COL13A1: variants seen among roughly 807,000 people sequenced by gnomAD.
COL13A1 encodes the protein collagen alpha-1(XIII) chain.
Under a neutral mutation model 130.9 loss-of-function variants are expected in COL13A1, and 89 were observed. The ratio of observed to expected loss-of-function variants is 0.68; its 90% confidence interval spans 0.57 to 0.81. The LOEUF (loss-of-function observed/expected upper bound fraction) is 0.81. Among genes scored for constraint, COL13A1 ranks in the 30% least tolerant of loss-of-function variants. The pLI is 0.00. For missense variants in COL13A1, 879 were observed against 934.6 expected (o/e 0.94, Z 0.78); for synonymous variants, 402 against 341.6 (o/e 1.18, Z -1.95).
chr10:69,852,214 A>G lies in COL13A1; in HGVS notation c.365-15584A>G, dbSNP rs571920020. On this transcript the variant is annotated intron_variant, in intron 2 of 40. Coordinates refer to ENST00000645393, the MANE Select transcript of COL13A1 (RefSeq NM_001368882.1). ...TTCCCAAATTCCAGCCCCGTCTACT[A>G]TATTTGCATATTGTAACTTCTCATA... Among the ~76,000 whole-genome samples the G allele has an allele frequency of 2.0e-5, 3 of 152,314 alleles. No homozygotes were observed. The East Asian group carries it at 5.8e-4, about 29-fold the overall frequency.
intron 1 of COL13A1, among the ~76,000 whole-genome samples, chr10:69,819,731 C>T (rs532611875): frequency 1.2e-3 from 186 of 152,340 alleles, no homozygotes; most frequent in African/African-American, 4.1e-3. Flanking sequence ...TGGCCCACCA[C>T]AGCACCCATG....
chr10:69,835,513 G>A (rs1849812896), intron 2 of COL13A1, among the ~76,000 whole-genome samples: 1 of 152,112 alleles, frequency 6.6e-6, no homozygotes. Context: ...GGTGGCCTCT[G>A]CTGGCAGTGG....
At chr10:69,813,241 C>A (rs1371571611) in intron 1 of COL13A1, among the ~76,000 whole-genome samples, 1 of 152,142 alleles carries the variant, frequency 6.6e-6, no homozygotes, top group Non-Finnish European at 1.5e-5. Context: ...ACCCCTGGAC[C>A]CCTGAGATCC....
intron 1 of COL13A1, among the ~76,000 whole-genome samples, chr10:69,811,473 G>T (rs1425904183): frequency 6.6e-6 from 1 of 152,190 alleles, no homozygotes; most frequent in African/African-American, 2.4e-5. Context: ...GGTTAAAGGG[G>T]CATTTGCCAG....
chr10:69,945,573 C>G, intron 36 of COL13A1, 98 bp from the exon 37 acceptor site: 1 of 1,514,352 alleles, frequency 6.6e-7, no homozygotes, highest in Admixed American at 2.0e-5. Flanking sequence ...CTTGAGGGGA[C>G]TGGAGAGGTT....
intron 2 of COL13A1, among the ~76,000 whole-genome samples, chr10:69,831,988 G>A (rs988398921): frequency 2.6e-5 from 4 of 152,196 alleles, no homozygotes; most frequent in African/African-American, 9.7e-5. Flanking sequence ...TAGTTGCCAC[G>A]ATGATGGTGA....
chr10:69,803,133 C>A (rs929936049), intron 1 of COL13A1, among the ~76,000 whole-genome samples: 1 of 152,156 alleles, frequency 6.6e-6, no homozygotes, highest in Non-Finnish European at 1.5e-5. Context: ...GCTTACTGAG[C>A]CCCCATGGCC....
rs868426134 is a variant in COL13A1 at position 69,839,803 on chromosome 10, A to G, written c.364+17365A>G. The stretch of plus-strand genomic sequence containing the variant: ...TGAGTGACAGGGAGAGAGCAGAGAG[A>G]GAGCTCAGGGAGGGCGCGGGCCAGT... On this transcript the variant is annotated intron_variant, in intron 2 of 40. Transcript: ENST00000645393. Among the ~76,000 whole-genome samples the G allele has an allele frequency of 1.2e-4, 18 of 152,310 alleles. 1 individual carries two copies. The Middle Eastern group carries it at 0.01, about 86-fold the overall frequency.
chr10:69,958,304 A>G (rs58278210), intron 40 of COL13A1, among the ~76,000 whole-genome samples: 3,805 of 152,254 alleles, frequency 0.025, 88 homozygotes, highest in Middle Eastern at 0.068. Flanking sequence ...GGAGACAGAA[A>G]TGGTTGTGCT....
chr10:69,875,074 C>CA, intron 4 of COL13A1, 54 bp from the exon 5 acceptor site: 1 of 1,612,840 alleles, frequency 6.2e-7, no homozygotes, highest in Non-Finnish European at 8.5e-7. Flanking sequence ...GGGTCCTTCA[C>CA]ATGCTAGCCT....
intron 2 of COL13A1, among the ~76,000 whole-genome samples, chr10:69,851,869 G>A (rs559759999): frequency 6.6e-6 from 1 of 152,280 alleles, no homozygotes; most frequent in Admixed American, 6.5e-5. Context: ...TGGCCAGGCT[G>A]GTCTAGAACT....
At chr10:69,937,842 C>T in intron 34 of COL13A1, 127 bp downstream of exon 34, 1 of 602,460 alleles carries the variant, frequency 1.7e-6, no homozygotes, top group Non-Finnish European at 3.0e-6. Context: ...TGTGGTTTGT[C>T]TTTCCCACCT....
chr10:69,939,171 A>G (rs921091499), intron 34 of COL13A1, among the ~76,000 whole-genome samples: 1 of 152,194 alleles, frequency 6.6e-6, no homozygotes, highest in Non-Finnish European at 1.5e-5. Flanking sequence ...ACTGACACAA[A>G]CCTGAGGGAG....
At chr10:69,955,364 A>G (rs1221820092) in intron 39 of COL13A1, 1 of 152,548 alleles carries the variant, frequency 6.6e-6, no homozygotes, top group Non-Finnish European at 1.5e-5. Flanking sequence ...CCACGCACCA[A>G]TGGGAATGCC....
intron 27 of COL13A1, 116 bp downstream of exon 27, chr10:69,927,226 T>C (rs2065487849): frequency 6.7e-7 from 1 of 1,501,302 alleles, no homozygotes; most frequent in Admixed American, 1.7e-5. Flanking sequence ...GGCTGCAGAT[T>C]AGGGTTGACC....
chr10:69,953,612 G>T (rs1256404743), intron 39 of COL13A1, among the ~76,000 whole-genome samples: 1 of 152,172 alleles, frequency 6.6e-6, no homozygotes, highest in Non-Finnish European at 1.5e-5. Context: ...ACTTCTGCTG[G>T]GTTTCTCAAG....
At chr10:69,922,276 T>C (rs1315230271) in intron 22 of COL13A1, among the ~76,000 whole-genome samples, 1 of 151,830 alleles carries the variant, frequency 6.6e-6, no homozygotes, top group South Asian at 2.1e-4. Flanking sequence ...AGGGGAGACA[T>C]GCATAATAAG....
chr10:69,865,695 T>G (rs1350962181), intron 2 of COL13A1, among the ~76,000 whole-genome samples: 3 of 152,192 alleles, frequency 2.0e-5, no homozygotes, highest in Non-Finnish European at 4.4e-5. Flanking sequence ...CCAAATTCCC[T>G]TGCATAAGAC....
At chr10:69,811,911 C>T (rs1350851349) in intron 1 of COL13A1, among the ~76,000 whole-genome samples, 1 of 152,126 alleles carries the variant, frequency 6.6e-6, no homozygotes, top group Non-Finnish European at 1.5e-5. Context: ...CCTCCAGCCA[C>T]ACCCACCCCA....
Sources: allele counts gnomAD v4.1 joint callset (sites outside exome capture counted in the v4.1 genomes callset), GRCh38; gene constraint gnomAD v4.1.1; transcripts MANE v1.5; gene names NCBI Gene and HGNC (gene_info 2026-07-23, HGNC 2026-07-21).